Variants in ECPAS observed in about 807,000 individuals in gnomAD.
ECPAS encodes Ecm29 proteasome adaptor and scaffold, also known as proteasome adapter and scaffold protein ECM29.
In ECPAS, 70 loss-of-function variants were observed where a neutral mutation model predicts 255.1. The ratio of observed to expected loss-of-function variants is 0.27; its 90% CI spans 0.23 to 0.33. The LOEUF is 0.33. Ranked by LOEUF, ECPAS falls within the 10% of genes least tolerant of loss-of-function variation. ECPAS has a pLI of 1.00. For synonymous variants in ECPAS, 784 were observed against 775.0 expected, an observed-to-expected ratio of 1.01 and a Z score of -0.19; for missense variants, 1,817 against 2,206.4, an observed-to-expected ratio of 0.82 and a Z score of 3.54.
chr9:111,457,689 G>C (rs1360447788), intron 2 of ECPAS, among the ~76,000 whole-genome samples: 1 of 152,156 alleles, frequency 6.6e-6, no homozygotes, highest in Non-Finnish European at 1.5e-5. Flanking sequence ...CCAGAGTGAA[G>C]AAGAGAAGAA....
intron 15 of ECPAS, among the ~76,000 whole-genome samples, chr9:111,420,885 A>AT (rs1469830768): frequency 7.2e-5 from 11 of 152,242 alleles, no homozygotes; most frequent in African/African-American, 2.7e-4. Flanking sequence ...CCTAAATTAC[A>AT]TAACTAACCT....
At chr9:111,369,256 C>T in intron 45 of ECPAS, 83 bp from the exon 46 acceptor site, 3 of 1,039,624 alleles carry the variant, frequency 2.9e-6, no homozygotes, top group Middle Eastern at 3.0e-4. Flanking sequence ...AGGGTACCAA[C>T]CAAGGCAGGA....
At chr9:111,440,214 G>A (rs2098243922) in intron 6 of ECPAS, among the ~76,000 whole-genome samples, 158 bp downstream of exon 6, 1 of 152,152 alleles carries the variant, frequency 6.6e-6, no homozygotes, top group African/African-American at 2.4e-5. Flanking sequence ...AAGCCGATAA[G>A]CAGTGGAGCT....
chr9:111,424,648 C>A (rs1274069417), intron 12 of ECPAS, among the ~76,000 whole-genome samples: 1 of 152,122 alleles, frequency 6.6e-6, no homozygotes, highest in African/African-American at 2.4e-5. Context: ...TTACTGAATG[C>A]ATGTTTTGAC....
chr9:111,472,094 C>A (rs1042974477), intron 2 of ECPAS, among the ~76,000 whole-genome samples: 4 of 151,186 alleles, frequency 2.6e-5, no homozygotes, highest in South Asian at 2.1e-4. Context: ...AAAGGAAGAC[C>A]CTGTGTCAAA....
intron 24 of ECPAS, among the ~76,000 whole-genome samples, chr9:111,403,464 T>C (rs1003279455): frequency 6.7e-5 from 10 of 150,362 alleles, no homozygotes; most frequent in Admixed American, 5.9e-4. Context: ...TAGAAGTAAC[T>C]ATACTTGCAT....
In ECPAS at chr9:111,393,705, A is replaced by G. The variant is rs1022193619; in HGVS notation, c.2952T>C (p.Phe984=). Residue 984 remains phenylalanine (F), a synonymous_variant, in exon 27 of 50, where the codon TTT becomes TTC. Coordinates refer to ENST00000684092, the MANE Select transcript of ECPAS (RefSeq NM_001364929.1). ...CATCATTTTCTGATAGAACTGAAAC[A>G]AATGCACTTTGAATTTCTTTAAGAT... ...KSHLKEIQSA[F]VSVLSENDEL... is the part of the protein sequence containing the mutation. The G allele has an allele frequency of 6.3e-7, 1 of 1,587,950 alleles. No individual in the cohort carries two copies. Among genetic ancestry groups the G allele is most frequent in the East Asian group, 2.2e-5 (1 of 44,742 alleles).
At chr9:111,455,222 C>G (rs1049654843) in intron 2 of ECPAS, among the ~76,000 whole-genome samples, 15 of 152,180 alleles carry the variant, frequency 9.9e-5, no homozygotes, top group Admixed American at 9.8e-4. Flanking sequence ...ACATGGTTCA[C>G]GCCTGTAATC....
intron 1 of ECPAS, among the ~76,000 whole-genome samples, chr9:111,476,951 C>T (rs918821761): frequency 3.3e-5 from 5 of 151,942 alleles, no homozygotes; most frequent in African/African-American, 4.8e-5. Flanking sequence ...TACAGGCATG[C>T]GCCACCAGGT....
intron 24 of ECPAS, among the ~76,000 whole-genome samples, chr9:111,399,308 A>T (rs538050466): frequency 6.6e-6 from 1 of 152,334 alleles, no homozygotes; most frequent in African/African-American, 2.4e-5. Context: ...GTGAGACATC[A>T]CAGTACCTGG....
chr9:111,483,568 AGGGGCTGGG>A, intron 1 of ECPAS: 18 of 211,818 alleles, frequency 8.5e-5, no homozygotes, highest in Middle Eastern at 2.4e-3. Flanking sequence ...GGAACGAGGG[AGGGGCTGGG>A]GGGGCAGGGC....
At chr9:111,397,639 T>A (rs2098169622) in intron 24 of ECPAS, among the ~76,000 whole-genome samples, 1 of 152,212 alleles carries the variant, frequency 6.6e-6, no homozygotes, top group Non-Finnish European at 1.5e-5. Flanking sequence ...AAAACTATTA[T>A]ATAGGATGCT....
chr9:111,471,800 C>CT (rs1281580018), intron 2 of ECPAS, among the ~76,000 whole-genome samples: 2 of 152,188 alleles, frequency 1.3e-5, no homozygotes, highest in Non-Finnish European at 2.9e-5. Context: ...CTTCATACCT[C>CT]TTCTCACAAA....
At chr9:111,413,484 T>C (rs991230043) in intron 20 of ECPAS, among the ~76,000 whole-genome samples, 1 of 152,090 alleles carries the variant, frequency 6.6e-6, no homozygotes, top group Non-Finnish European at 1.5e-5. Flanking sequence ...CTAGAAAGCA[T>C]GCCATATATA....
Position 111,361,948 on chromosome 9 carries a change from T to A in ECPAS, c.*82A>T. The A allele has an allele frequency of 6.6e-7, 1 of 1,511,726 alleles. No individual in the cohort carries two copies. Among genetic ancestry groups the A allele is most frequent in the Non-Finnish European group, 8.9e-7 (1 of 1,120,416 alleles). The allele number at this position is 1,511,726 out of a possible 1,614,324, so 93.6% of individuals were successfully genotyped here. ...TGCATGCTACAGATTAATCTTTACT[T>A]TTTCCCACTTGGTTTTTCAAAGAAC... is the stretch of plus-strand genomic sequence containing the variant. On this transcript the variant is annotated 3_prime_UTR_variant, in exon 50 of 50. Transcript: ENST00000684092.
Position 111,375,160 on chromosome 9 carries a change from G to A in ECPAS, c.4063C>T (p.Pro1355Ser). 1 of 1,613,710 alleles carries A rather than the reference G, an allele frequency of 6.2e-7. No homozygotes were observed. The highest frequency in any genetic ancestry group is 8.5e-7 in the Non-Finnish European group (1 of 1,179,734). Residue 1355 changes from proline to serine, a missense_variant, in exon 38 of 50, where the codon CCT (proline) becomes TCT (serine). Physicochemically the swap from Pro to Ser is moderately conservative, Grantham distance 74 (BLOSUM62 -1). Around this residue, in one of 4 missense-constraint regions of ECPAS, gnomAD observed 960 missense variants for 1,179.0 expected, o/e 0.81. Transcript: ENST00000684092. ...LDVSVLGELVPRLCELIRSGV... is the reference protein window; with the variant it reads ...LDVSVLGELVSRLCELIRSGV... ...CTTCTGATCAGTTCACACAACCTAG[G>A]AACTAGCTCGCCCAGCACTGACACA... is the stretch of plus-strand genomic sequence containing the variant.
chr9:111,468,689 C>CGTGTGTGTGTGTGT (rs141517725), intron 2 of ECPAS, among the ~76,000 whole-genome samples: 8 of 150,020 alleles, frequency 5.3e-5, no homozygotes, highest in South Asian at 4.3e-4. Flanking sequence ...CAAGCTCAAA[C>CGTGTGTGTGTGTGT]GTGTGTGTGT....
chr9:111,391,641 G>T, intron 29 of ECPAS, 115 bp downstream of exon 29: 1 of 639,074 alleles, frequency 1.6e-6, no homozygotes, highest in Non-Finnish European at 2.7e-6. Context: ...TCCACCAATA[G>T]ATAACATTTC....
chr9:111,422,180 G>C lies in ECPAS; in HGVS notation c.1286C>G (p.Thr429Ser). The C allele has an allele frequency of 6.2e-7, 1 of 1,613,558 alleles. No individual in the cohort carries two copies. Among genetic ancestry groups the C allele is most frequent in the East Asian group, 2.2e-5 (1 of 44,866 alleles). The change falls in exon 14 of 50, where the codon ACT becomes AGT. Residue 429 changes from threonine (T) to serine (S), a missense_variant. Physicochemically the swap from Thr to Ser is moderately conservative, Grantham distance 58. Coordinates refer to ENST00000684092, the MANE Select transcript of ECPAS (RefSeq NM_001364929.1). ...CTGCTGCACAAGCGCTATATCCTTA[G>C]TGAATAAATGTGGCATCCGACTGCA... ...KLSSRMPHLFTKDIALVQQLF... is the reference protein window; with the variant it reads ...KLSSRMPHLFSKDIALVQQLF...
Sources: gnomAD v4.1 joint callset for allele counts (sites outside exome capture counted in the v4.1 genomes callset) on GRCh38, gnomAD v4.1.1 for gene constraint, gnomAD v4.1.1 regional missense constraint, MANE v1.5 for transcripts, NCBI Gene and HGNC (gene_info 2026-07-23, HGNC 2026-07-21) for gene names.